The following SCLY variants were observed in gnomAD, a reference collection of about 807,000 sequenced individuals.
SCLY encodes the protein selenocysteine lyase.
Under a neutral mutation model 50.1 loss-of-function variants are expected in SCLY, and 38 were observed. That is an observed-to-expected ratio of 0.76 (90% CI 0.59 to 0.99). The LOEUF (loss-of-function observed/expected upper bound fraction) is 0.99, where lower values mean the gene tolerates loss of function less well. SCLY is among the 50% of genes least tolerant of loss of function. The probability of loss-of-function intolerance (pLI) is 0.00; values close to 1 mark genes in which losing one functional copy is unlikely to be tolerated. For missense variants in SCLY, 600 were observed against 620.0 expected (o/e 0.97, Z 0.34); for synonymous variants, 243 against 249.4 (o/e 0.97, Z 0.24).
intron 5 of SCLY, 73 bp from the exon 6 acceptor site, chr2:238,081,972 C>A: frequency 6.3e-7 from 1 of 1,582,024 alleles, no homozygotes; most frequent in Non-Finnish European, 8.6e-7. Context: ...CCTGCGCTCA[C>A]TACTCCTGAT....
At chr2:238,061,743 T>A (rs1027445413) in intron 1 of SCLY, among the ~76,000 whole-genome samples, 1 of 151,962 alleles carries the variant, frequency 6.6e-6, no homozygotes, top group African/African-American at 2.4e-5. Flanking sequence ...TGAAAGGGAA[T>A]CAAGGGTTCT....
At chr2:238,097,321 C>T (rs976015746) in intron 11 of SCLY, among the ~76,000 whole-genome samples, 3 of 152,162 alleles carry the variant, frequency 2.0e-5, no homozygotes, top group Admixed American at 1.3e-4. Context: ...TAGCAGGGCC[C>T]GGGTGAGCGG....
chr2:238,073,660 T>G, intron 4 of SCLY: 1 of 418,162 alleles, frequency 2.4e-6, no homozygotes. Flanking sequence ...TGTATGTAAA[T>G]GTAGTTGACC....
intron 11 of SCLY, 29 bp downstream of exon 11, chr2:238,096,905 G>A: frequency 6.3e-7 from 1 of 1,575,784 alleles, no homozygotes; most frequent in Non-Finnish European, 8.6e-7. Flanking sequence ...CCCAGTCCAG[G>A]GCATAGGGGT....
intron 6 of SCLY, chr2:238,082,834 G>C (rs779700139): frequency 5.7e-5 from 17 of 299,436 alleles, no homozygotes; most frequent in Non-Finnish European, 8.7e-5. Flanking sequence ...GTTCTGCATT[G>C]TGTCAGTTGG....
rs1268545371 is a variant in SCLY, at chr2:238,067,829, G to A, written c.203-236G>A. Among the ~76,000 whole-genome samples, 1 of 152,102 alleles carries A rather than the reference G, an allele frequency of 6.6e-6. No individual in the cohort carries two copies. The highest frequency in any genetic ancestry group is 1.5e-5 in the Non-Finnish European group (1 of 68,030). ...AGCCAGACTCCCTTACTTGTTTCTG[G>A]GTCTCATGGAGTTAATAACTCTCAG... On this transcript the variant is annotated intron_variant, in intron 2 of 11. Transcript: ENST00000254663. This position sits in a 1 kb window ranked among gnomAD's most constrained non-coding sequence, Gnocchi z 4.3.
rs1691284898 is a variant in SCLY, at chr2:238,098,376, C to T, written c.*21C>T. 8.3e-6 allele frequency: 13 copies of T among 1,571,622 alleles called. No homozygotes were observed. The highest frequency in any genetic ancestry group is 1.0e-5 in the Non-Finnish European group (12 of 1,161,758). ...CCTAGCACTGGGGCCGCCTTCCCCA[C>T]CCCGCTTCTGGGAAGCCCGTGGCAG... On this transcript the variant is annotated 3_prime_UTR_variant, in exon 12 of 12. Transcript: ENST00000254663.
chr2:238,086,573 G>T (rs1331802193), intron 7 of SCLY, among the ~76,000 whole-genome samples: 1 of 151,838 alleles, frequency 6.6e-6, no homozygotes, highest in Non-Finnish European at 1.5e-5. Flanking sequence ...CGACATGGCA[G>T]TGCGTGCCTG....
At chr2:238,082,513 C>T (rs577569032) in intron 6 of SCLY, among the ~76,000 whole-genome samples, 81 of 152,228 alleles carry the variant, frequency 5.3e-4, no homozygotes, top group South Asian at 1.2e-3. Context: ...GCAGGGGGTT[C>T]GGCCAGGCAG....
rs1559254607 is a variant in SCLY, at chr2:238,098,612, C to CCCACATGGGAACGCCCACATAGGACCGT, written c.*267_*268insACGCCCACATAGGACCGTCCACATGGGA. The CCCACATGGGAACGCCCACATAGGACCGT allele has an allele frequency of 2.4e-6, 1 of 410,300 alleles. No homozygotes were observed. The highest frequency in any genetic ancestry group is 2.3e-5 in the African/African-American group (1 of 43,276). 25.4% of individuals were successfully genotyped at this position (410,300 alleles called of 1,614,324 possible). ...ACATAGGACCGCCCACATAGGACCG[C>CCCACATGGGAACGCCCACATAGGACCGT]CCACATGGGACCGCCCACATGGGAC... On this transcript the variant is annotated 3_prime_UTR_variant, in exon 12 of 12. Transcript: ENST00000254663.
chr2:238,096,756 C>A, intron 10 of SCLY, 45 bp from the exon 11 acceptor site: 1 of 1,575,294 alleles, frequency 6.3e-7, no homozygotes, highest in Non-Finnish European at 8.6e-7. Flanking sequence ...AGAAGGGCAA[C>A]CTGGCTGGAG....
At position 238,071,950 on chromosome 2, in the gene SCLY, C is replaced by A. The variant is rs530353139; in HGVS notation, c.484+2473C>A. On this transcript the variant is annotated intron_variant, in intron 4 of 11. Coordinates refer to ENST00000254663, the MANE Select transcript of SCLY (RefSeq NM_016510.7). ...TTAGTGTGCTCACCAGGTTGTGCAG[C>A]CATCACCACTATATTTTTCAGTTAT... 3.9e-5 allele frequency among the ~76,000 whole-genome samples: 6 copies of A among 152,038 alleles called. No homozygotes were observed. The East Asian group carries it at 9.7e-4, about 24-fold the overall frequency.
At chr2:238,098,052 C>A in intron 11 of SCLY, 150 bp from the exon 12 acceptor site, 2 of 868,026 alleles carry the variant, frequency 2.3e-6, no homozygotes, top group Non-Finnish European at 3.5e-6. Context: ...TGTGCTTGGT[C>A]TGGGAGTTTA....
At chr2:238,084,589 T>TTAAA (rs2065270586) in intron 7 of SCLY, among the ~76,000 whole-genome samples, 1 of 9,676 alleles carries the variant, frequency 1.0e-4, no homozygotes, top group Non-Finnish European at 1.7e-4. Context: ...AGACTCTGTC[T>TTAAA]CAAAAAAAAA....
chr2:238,097,940 G>A (rs1295057099), intron 11 of SCLY, among the ~76,000 whole-genome samples: 4 of 152,204 alleles, frequency 2.6e-5, no homozygotes, highest in Non-Finnish European at 5.9e-5. Flanking sequence ...AGCTCAGTGC[G>A]AGAGGGAGGC....
intron 11 of SCLY, 131 bp from the exon 12 acceptor site, chr2:238,098,068 AGGT>A: frequency 2.0e-6 from 2 of 1,008,204 alleles, no homozygotes; most frequent in Admixed American, 5.0e-5. Flanking sequence ...GTTTAGCAGG[AGGT>A]GGATGCCAGG....
intron 7 of SCLY, among the ~76,000 whole-genome samples, chr2:238,089,555 C>T (rs1354751930): frequency 6.6e-6 from 1 of 152,206 alleles, no homozygotes; most frequent in East Asian, 1.9e-4. Flanking sequence ...CAACCTGCGG[C>T]CTGCAGGCTG....
At chr2:238,068,336 C>CCCAG (rs35156212) in intron 3 of SCLY, 171 bp downstream of exon 3, 7,185 of 502,818 alleles carry the variant, frequency 0.014, 87 homozygotes, top group Non-Finnish European at 0.02. Context: ...GTTGGTTGAG[C>CCCAG]CCAGGAGTTT....
intron 2 of SCLY, among the ~76,000 whole-genome samples, chr2:238,065,441 C>T (rs1323491733): frequency 1.3e-5 from 2 of 152,092 alleles, no homozygotes; most frequent in African/African-American, 4.8e-5. Flanking sequence ...GGGAATCGCT[C>T]TCAGGGAGAA....
Sources: gnomAD v4.1 joint callset for allele counts (sites outside exome capture counted in the v4.1 genomes callset) on GRCh38, gnomAD v4.1.1 for gene constraint, Gnocchi (gnomAD v3.1) non-coding constraint, MANE v1.5 for transcripts, NCBI Gene and HGNC (gene_info 2026-07-23, HGNC 2026-07-21) for gene names.